Variants in TAFA2 observed in about 807,000 individuals in gnomAD.
TAFA2 encodes TAFA chemokine like family member 2.
TAFA2 carries 7 observed loss-of-function variants against 18.8 expected under a neutral mutation model. The ratio of observed to expected loss-of-function variants is 0.37; its 90% CI spans 0.21 to 0.70. The LOEUF (loss-of-function observed/expected upper bound fraction) is 0.70, where lower values mean the gene tolerates loss of function less well. TAFA2 is among the 30% of genes least tolerant of loss of function. The probability of loss-of-function intolerance (pLI) is 0.53; values close to 1 mark genes in which losing one functional copy is unlikely to be tolerated. For synonymous variants in TAFA2, 60 were observed against 54.2 expected, an observed-to-expected ratio of 1.11 and a Z score of -0.47; for missense variants, 122 against 158.1, an observed-to-expected ratio of 0.77 and a Z score of 1.23.
At chr12:61,842,059 G>T (rs546214957) in intron 2 of TAFA2, among the ~76,000 whole-genome samples, 8 of 151,978 alleles carry the variant, frequency 5.3e-5, no homozygotes, top group African/African-American at 1.9e-4. Context: ...AAATACGAGG[G>T]GATTCTAATG....
intron 2 of TAFA2, among the ~76,000 whole-genome samples, chr12:61,756,802 T>A (rs1355964904): frequency 6.6e-6 from 1 of 152,046 alleles, no homozygotes; most frequent in Non-Finnish European, 1.5e-5. Flanking sequence ...ATAATCCGAA[T>A]CATGAGCTGA....
intron 1 of TAFA2, among the ~76,000 whole-genome samples, chr12:62,133,437 G>C (rs1275392756): frequency 6.6e-6 from 1 of 151,672 alleles, no homozygotes; most frequent in Non-Finnish European, 1.5e-5. Context: ...GGATAATGTA[G>C]ATACAAAGTC....
At chr12:62,158,030 T>A (rs1592372642) in intron 1 of TAFA2, among the ~76,000 whole-genome samples, 1 of 152,228 alleles carries the variant, frequency 6.6e-6, no homozygotes, top group South Asian at 2.1e-4. Context: ...TTTCTCATTC[T>A]TATGTGACTC....
At chr12:62,161,730 A>T (rs1182215581) in intron 1 of TAFA2, among the ~76,000 whole-genome samples, 1 of 152,220 alleles carries the variant, frequency 6.6e-6, no homozygotes, top group African/African-American at 2.4e-5. Flanking sequence ...AAAAAAGACA[A>T]ATGTAAACAC....
chr12:61,727,545 C>A (rs909019692), intron 4 of TAFA2, among the ~76,000 whole-genome samples: 1 of 151,908 alleles, frequency 6.6e-6, no homozygotes, highest in Non-Finnish European at 1.5e-5. Context: ...TTTTGCATTT[C>A]TGTGATATCA....
At chr12:61,888,800 A>G (rs1011546259) in intron 1 of TAFA2, among the ~76,000 whole-genome samples, 4 of 152,248 alleles carry the variant, frequency 2.6e-5, no homozygotes, top group Admixed American at 6.5e-5. Flanking sequence ...TAATTGCCAG[A>G]TTCTTAGTGA....
intron 2 of TAFA2, among the ~76,000 whole-genome samples, chr12:61,782,123 T>G (rs2120888353): frequency 6.6e-6 from 1 of 151,682 alleles, no homozygotes; most frequent in East Asian, 2.0e-4. Flanking sequence ...ATAAACGAAA[T>G]TCTAATGTCC....
chr12:61,983,108 A>G (rs1348888947), intron 1 of TAFA2, among the ~76,000 whole-genome samples: 3 of 152,204 alleles, frequency 2.0e-5, no homozygotes, highest in African/African-American at 7.2e-5. Flanking sequence ...AGATTCAGCA[A>G]TGGAATAGAC....
intron 1 of TAFA2, among the ~76,000 whole-genome samples, chr12:62,207,416 G>A (rs2062696670): frequency 6.6e-6 from 1 of 152,006 alleles, no homozygotes; most frequent in Non-Finnish European, 1.5e-5. Context: ...AGTGGTTTCT[G>A]GAAATCTTGA....
At chr12:61,825,023 A>G (rs890544115) in intron 2 of TAFA2, among the ~76,000 whole-genome samples, 3 of 152,190 alleles carry the variant, frequency 2.0e-5, no homozygotes, top group African/African-American at 7.2e-5. Context: ...TGGGAATAAT[A>G]TTGACTCTTA....
At chr12:61,863,007 A>T (rs1874191372) in intron 2 of TAFA2, among the ~76,000 whole-genome samples, 1 of 152,178 alleles carries the variant, frequency 6.6e-6, no homozygotes, top group Non-Finnish European at 1.5e-5. Context: ...CTCAGGCCTT[A>T]ATGTAGCTAC....
intron 1 of TAFA2, among the ~76,000 whole-genome samples, chr12:61,938,073 A>G (rs1041013696): frequency 1.3e-5 from 2 of 152,136 alleles, no homozygotes; most frequent in Non-Finnish European, 2.9e-5. Flanking sequence ...ACTAATCATC[A>G]GGGAAATACA....
chr12:62,136,354 G>T (rs1320139970), intron 1 of TAFA2, among the ~76,000 whole-genome samples: 1 of 152,088 alleles, frequency 6.6e-6, no homozygotes, highest in East Asian at 1.9e-4. Flanking sequence ...ACAACATGTG[G>T]CAGTTTTTGT....
intron 2 of TAFA2, among the ~76,000 whole-genome samples, chr12:61,805,493 C>G (rs2120985753): frequency 6.6e-6 from 1 of 152,028 alleles, no homozygotes; most frequent in South Asian, 2.1e-4. Flanking sequence ...GAATTTTTGC[C>G]AAGTAAATGT....
At chr12:61,882,082 C>T (rs139014889) in intron 1 of TAFA2, among the ~76,000 whole-genome samples, 1 of 152,234 alleles carries the variant, frequency 6.6e-6, no homozygotes, top group Non-Finnish European at 1.5e-5. Flanking sequence ...CTTTAAAGTC[C>T]TTAGATTTGA....
chr12:62,162,495 C>T (rs1021877166), intron 1 of TAFA2, among the ~76,000 whole-genome samples: 4 of 152,132 alleles, frequency 2.6e-5, no homozygotes, highest in Non-Finnish European at 5.9e-5. Flanking sequence ...GCAGATTACC[C>T]GTGATGCATA....
intron 1 of TAFA2, among the ~76,000 whole-genome samples, chr12:62,147,266 A>ATGTG (rs1034125276): frequency 6.9e-6 from 1 of 145,312 alleles, no homozygotes; most frequent in Non-Finnish European, 1.5e-5. Flanking sequence ...GTGTATATAT[A>ATGTG]TGTGTGTGTG....
At chr12:62,169,350 C>A (rs770782003) in intron 1 of TAFA2, among the ~76,000 whole-genome samples, 2 of 152,110 alleles carry the variant, frequency 1.3e-5, no homozygotes, top group Non-Finnish European at 2.9e-5. Flanking sequence ...CTTCAATACA[C>A]CTACGATGCC....
At chr12:62,227,400 A>G (rs1201876728) in intron 1 of TAFA2, among the ~76,000 whole-genome samples, 1 of 152,008 alleles carries the variant, frequency 6.6e-6, no homozygotes, top group African/African-American at 2.4e-5. Flanking sequence ...GGGGCAGCAA[A>G]CTCTCTGGCA....
Sources: gnomAD v4.1 joint callset for allele counts (sites outside exome capture counted in the v4.1 genomes callset) on GRCh38, gnomAD v4.1.1 for gene constraint, MANE v1.5 for transcripts, NCBI Gene and HGNC (gene_info 2026-07-23, HGNC 2026-07-21) for gene names.